The following NEK10 variants were observed in gnomAD, a reference collection of about 807,000 sequenced individuals.
NEK10 encodes the protein serine/threonine-protein kinase Nek10.
Under a neutral mutation model 159.8 loss-of-function variants are expected in NEK10, and 122 were observed. The ratio of observed to expected loss-of-function variants is 0.76; its 90% CI spans 0.66 to 0.89. NEK10 has a LOEUF of 0.89. NEK10 is among the 40% of genes least tolerant of loss of function. NEK10 has a pLI of 0.00. For missense variants in NEK10, 1,342 were observed against 1,323.1 expected, an observed-to-expected ratio of 1.01 and a Z score of -0.22; for synonymous variants, 466 against 457.1, an observed-to-expected ratio of 1.02 and a Z score of -0.25.
intron 23 of NEK10, among the ~76,000 whole-genome samples, chr3:27,251,166 T>A (rs1027603407): frequency 1.3e-5 from 2 of 152,084 alleles, no homozygotes; most frequent in African/African-American, 4.8e-5. Context: ...CACAGAAAAA[T>A]TCAATCATTT....
chr3:27,206,706 C>A (rs535396723), intron 23 of NEK10: 12 of 801,508 alleles, frequency 1.5e-5, no homozygotes, highest in Non-Finnish European at 1.8e-5. Context: ...AAACCACTGA[C>A]GAAAATAGGG....
At chr3:27,243,915 C>CTAGTGG (rs1306763188) in intron 23 of NEK10, among the ~76,000 whole-genome samples, 2 of 151,850 alleles carry the variant, frequency 1.3e-5, no homozygotes, top group Admixed American at 1.3e-4. Context: ...TGGTAAAGAA[C>CTAGTGG]TAAGTCATCT....
chr3:27,171,909 T>C (rs1947022963), intron 28 of NEK10, 36 bp from the exon 29 acceptor site: 1 of 1,588,394 alleles, frequency 6.3e-7, no homozygotes, highest in African/African-American at 1.4e-5. Context: ...TTACATTATT[T>C]CCTCTGCAAA....
intron 5 of NEK10, among the ~76,000 whole-genome samples, chr3:27,326,049 C>T (rs1225801978): frequency 6.6e-6 from 1 of 152,168 alleles, no homozygotes; most frequent in Non-Finnish European, 1.5e-5. Flanking sequence ...CCAGGATGTA[C>T]TATGGGTTCA....
Position 27,265,046 on chromosome 3 carries a change from T to C in NEK10, c.2015-8675A>G, listed in dbSNP as rs372807008. Among the ~76,000 whole-genome samples the C allele has an allele frequency of 1.4e-4, 22 of 152,308 alleles. No homozygotes were observed. The South Asian group carries it at 4.1e-3, about 29-fold the overall frequency. On this transcript the variant is annotated intron_variant, in intron 22 of 35. Transcript: ENST00000691995. ...AAAAGCGTCAGCAAAATTCAACATCTATTCCTTTCAGCAAAATAAGAATAG... is the reference window on the plus strand; with the variant it reads ...AAAAGCGTCAGCAAAATTCAACATCCATTCCTTTCAGCAAAATAAGAATAG...
At chr3:27,354,709 G>GT (rs2048208952) in intron 1 of NEK10, among the ~76,000 whole-genome samples, 1 of 152,192 alleles carries the variant, frequency 6.6e-6, no homozygotes, top group Non-Finnish European at 1.5e-5. Context: ...GGCAGACAAT[G>GT]TATTAAGAAA....
intron 23 of NEK10, chr3:27,215,146 C>T: frequency 2.9e-6 from 1 of 346,020 alleles, no homozygotes; most frequent in South Asian, 4.1e-5. Flanking sequence ...GCTCTTAACA[C>T]CATCAAAATT....
chr3:27,111,221 C>T lies in NEK10; in HGVS notation c.*51G>A. The T allele has an allele frequency of 1.3e-6, 2 of 1,562,422 alleles. No individual in the cohort carries two copies. Among genetic ancestry groups the T allele is most frequent in the South Asian group, 1.1e-5 (1 of 88,604 alleles). ...GCATCTTGCAATAGCGGCTGAAGTC[C>T]AGAACTTGAACTTCACTGAGAAAAT... On this transcript the variant is annotated 3_prime_UTR_variant, in exon 36 of 36. Coordinates refer to ENST00000691995, the MANE Select transcript of NEK10 (RefSeq NM_001394966.1).
At position 27,286,961 on chromosome 3, in the gene NEK10, A is replaced by G. The variant is rs1322381077; in HGVS notation, c.1789+737T>C. 2.0e-5 allele frequency among the ~76,000 whole-genome samples: 3 copies of G among 152,126 alleles called. No homozygotes were observed. In the East Asian group the frequency reaches 5.8e-4, roughly 29 times the overall value. On this transcript the variant is annotated intron_variant, in intron 20 of 35. Coordinates refer to ENST00000691995, the MANE Select transcript of NEK10 (RefSeq NM_001394966.1). ...GTAACAAATGGCAAAATACACACAC[A>G]AAAGGTTTTCTTAAATAACAATAGC...
At chr3:27,301,915 T>A in intron 12 of NEK10, 80 bp from the exon 13 acceptor site, 2 of 1,141,280 alleles carry the variant, frequency 1.8e-6, no homozygotes, top group East Asian at 2.6e-5. Flanking sequence ...ATTTAAGAAA[T>A]CTTTGCCTCC....
At chr3:27,363,543 G>A (rs527772824) in intron 1 of NEK10, 4 of 152,120 alleles carry the variant, frequency 2.6e-5, no homozygotes, top group Non-Finnish European at 4.4e-5. Context: ...TAGAGACAAC[G>A]AAAAAGAACA....
At position 27,174,853 on chromosome 3, in the gene NEK10, T is replaced by C. The variant is rs1433693176; in HGVS notation, c.2506-20A>G. 3 of 1,549,456 alleles carry C rather than the reference T, an allele frequency of 1.9e-6. No individual in the cohort carries two copies. Among genetic ancestry groups the C allele is most frequent in the African/African-American group, 1.4e-5 (1 of 72,144 alleles). On this transcript the variant is annotated intron_variant, in intron 26 of 35. Coordinates refer to ENST00000691995, the MANE Select transcript of NEK10 (RefSeq NM_001394966.1). ...GGTCTCCTGGAAAGAGAAATTCAGT[T>C]TTTCATAGCCTCTTTCTCTATCCTT...
chr3:27,151,800 T>C (rs1346564475), intron 30 of NEK10, among the ~76,000 whole-genome samples: 1 of 152,068 alleles, frequency 6.6e-6, no homozygotes, highest in African/African-American at 2.4e-5. Context: ...AAATAGATAG[T>C]TTAAAGTAAA....
In NEK10 at chr3:27,236,635, C is replaced by T. The variant is rs140791482; in HGVS notation, c.2090+19661G>A. ...TAAGTCCGTGATGTCCCACCTGAGCCGCAAAACCAGCAGGTTTTTATTAAG... is the reference window on the plus strand; with the variant it reads ...TAAGTCCGTGATGTCCCACCTGAGCTGCAAAACCAGCAGGTTTTTATTAAG... On this transcript the variant is annotated intron_variant, in intron 23 of 35. Transcript: ENST00000691995. Among the ~76,000 whole-genome samples the T allele has an allele frequency of 1.4e-3, 220 of 152,106 alleles. 1 individual carries two copies. Among genetic ancestry groups the T allele is most frequent in the Non-Finnish European group, 2.3e-3 (156 of 67,990 alleles).
At chr3:27,312,655 C>A (rs2044797227) in intron 7 of NEK10, among the ~76,000 whole-genome samples, 1 of 152,040 alleles carries the variant, frequency 6.6e-6, no homozygotes, top group South Asian at 2.1e-4. Flanking sequence ...AAAATGCGTA[C>A]TGAGTAGTCT....
At chr3:27,145,960 C>CT (rs1944259199) in intron 30 of NEK10, among the ~76,000 whole-genome samples, 1 of 152,148 alleles carries the variant, frequency 6.6e-6, no homozygotes, top group African/African-American at 2.4e-5. Context: ...AAGGACACAG[C>CT]TAGAAGGCGC....
chr3:27,316,562 C>T (rs1403711765), intron 6 of NEK10, among the ~76,000 whole-genome samples: 1 of 152,080 alleles, frequency 6.6e-6, no homozygotes, highest in Non-Finnish European at 1.5e-5. Flanking sequence ...GAGTTATTCA[C>T]ATGAAGGAGA....
intron 1 of NEK10, among the ~76,000 whole-genome samples, chr3:27,358,653 C>T (rs759069169): frequency 1.3e-5 from 2 of 152,086 alleles, no homozygotes; most frequent in Non-Finnish European, 2.9e-5. Flanking sequence ...AACTAAATAA[C>T]ATAGGGAGTA....
intron 23 of NEK10, among the ~76,000 whole-genome samples, chr3:27,254,570 G>A (rs1055165729): frequency 1.3e-5 from 2 of 152,086 alleles, no homozygotes; most frequent in African/African-American, 2.4e-5. Flanking sequence ...CAAGAAAGAC[G>A]GTTTGTGAGC....
Sources: gnomAD v4.1 joint callset for allele counts (sites outside exome capture counted in the v4.1 genomes callset) on GRCh38, gnomAD v4.1.1 for gene constraint, MANE v1.5 for transcripts, NCBI Gene and HGNC (gene_info 2026-07-23, HGNC 2026-07-21) for gene names.